PTPN13: variants seen among roughly 807,000 people sequenced by gnomAD.
PTPN13 encodes tyrosine-protein phosphatase non-receptor type 13.
PTPN13 carries 191 observed loss-of-function variants against 284.0 expected under a neutral mutation model. That is an observed-to-expected ratio of 0.67 (90% CI 0.60 to 0.76). The LOEUF is 0.76. Among genes scored for constraint, PTPN13 ranks in the 30% least tolerant of loss-of-function variants. The pLI is 0.00. For synonymous variants in PTPN13, 986 were observed against 1,022.3 expected (o/e 0.96, Z 0.68); for missense variants, 2,797 against 2,939.9 (o/e 0.95, Z 1.12).
chr4:86,659,299 A>C (rs1469913273), intron 2 of PTPN13, among the ~76,000 whole-genome samples: 1 of 152,184 alleles, frequency 6.6e-6, no homozygotes, highest in Non-Finnish European at 1.5e-5. Flanking sequence ...TATTTGTACT[A>C]AGTCATCAAA....
At chr4:86,617,556 C>T (rs1215244573) in intron 1 of PTPN13, among the ~76,000 whole-genome samples, 1 of 152,060 alleles carries the variant, frequency 6.6e-6, no homozygotes, top group African/African-American at 2.4e-5. Flanking sequence ...GGTATATCTC[C>T]TAATGCTATC....
At chr4:86,627,477 C>T (rs1290354527) in intron 1 of PTPN13, among the ~76,000 whole-genome samples, 2 of 151,202 alleles carry the variant, frequency 1.3e-5, no homozygotes, top group Non-Finnish European at 2.9e-5. Context: ...AAAAGGATTG[C>T]TGTTTCACCT....
At chr4:86,811,588 A>AT (rs1464732325) in intron 47 of PTPN13, among the ~76,000 whole-genome samples, 1 of 152,162 alleles carries the variant, frequency 6.6e-6, no homozygotes, top group Non-Finnish European at 1.5e-5. Context: ...ACATGGGTCC[A>AT]TTTATCCTCT....
At chr4:86,692,308 G>C (rs1306824646) in intron 5 of PTPN13, among the ~76,000 whole-genome samples, 1 of 152,128 alleles carries the variant, frequency 6.6e-6, no homozygotes, top group Non-Finnish European at 1.5e-5. Flanking sequence ...CATCATTTAT[G>C]CAACTTAACT....
chr4:86,805,220 G>T, intron 43 of PTPN13, 59 bp from the exon 44 acceptor site: 1 of 1,131,892 alleles, frequency 8.8e-7, no homozygotes, highest in African/African-American at 1.6e-5. Context: ...TAAAGTATTT[G>T]AAGTTATTAC....
Position 86,686,697 on chromosome 4 carries a change from A to T in PTPN13, c.295-13A>T. 6.6e-7 allele frequency: 1 copy of T among 1,507,408 alleles called. No individual in the cohort carries two copies. Among genetic ancestry groups the T allele is most frequent in the Non-Finnish European group, 9.0e-7 (1 of 1,110,788 alleles). The allele number at this position is 1,507,408 out of a possible 1,614,324, so 93.4% of individuals were successfully genotyped here. On this transcript the variant is annotated splice_polypyrimidine_tract_variant and intron_variant, in intron 3 of 47. Transcript: ENST00000411767. ...TTTATCATAAAATTATTTCTTAAAA[A>T]TTCTATTCCTAGATCCACATTTATT... is the stretch of plus-strand genomic sequence containing the variant.
chr4:86,596,446 A>C (rs1274868389), intron 1 of PTPN13, among the ~76,000 whole-genome samples: 2 of 152,214 alleles, frequency 1.3e-5, no homozygotes, highest in Non-Finnish European at 2.9e-5. Context: ...TTTAAAAGTC[A>C]GATTTTAATT....
At chr4:86,710,987 C>T (rs768085989) in intron 7 of PTPN13, among the ~76,000 whole-genome samples, 17 of 151,382 alleles carry the variant, frequency 1.1e-4, no homozygotes, top group Non-Finnish European at 1.6e-4. Flanking sequence ...GCAGTGGCAT[C>T]GTCTTAGCTT....
In PTPN13 at chr4:86,809,773, G is replaced by T. The variant is rs938787530; in HGVS notation, c.7088G>T (p.Arg2363Ile). The T allele has an allele frequency of 6.2e-7, 1 of 1,613,520 alleles. No homozygotes were observed. Among genetic ancestry groups the T allele is most frequent in the African/African-American group, 1.3e-5 (1 of 74,922 alleles). The stretch of plus-strand genomic sequence containing the variant: ...TATTCTGTTATACAATTTCAGACCA[G>T]AGAGGTGCGCCATATTTCTCATCTG... ...RAMTLEDIQT[R>I]EVRHISHLNF... The change falls in exon 46 of 48, where the codon AGA becomes ATA. Residue 2363 changes from arginine to isoleucine, a missense_variant. Coordinates refer to ENST00000411767, the MANE Select transcript of PTPN13 (RefSeq NM_080683.3).
At chr4:86,655,411 T>C (rs993405524) in intron 2 of PTPN13, among the ~76,000 whole-genome samples, 12 of 152,184 alleles carry the variant, frequency 7.9e-5, no homozygotes, top group African/African-American at 2.9e-4. Context: ...AGTGCTTCTT[T>C]CAGGAGCTCT....
intron 21 of PTPN13, 104 bp from the exon 22 acceptor site, chr4:86,758,574 C>A: frequency 9.6e-7 from 1 of 1,037,856 alleles, no homozygotes; most frequent in South Asian, 1.5e-5. Context: ...ACCTACTAAT[C>A]ATTTGATATC....
Position 86,750,483 on chromosome 4 carries a change from T to C in PTPN13, c.2664T>C (p.Phe888=). Residue 888 remains phenylalanine (F), a synonymous_variant, in exon 18 of 48, where the codon TTT becomes TTC. Coordinates refer to ENST00000411767, the MANE Select transcript of PTPN13 (RefSeq NM_080683.3). ...QDAQDIERAS[F]RSLNLQAESV... ...ATTTCCTTGTAGAGAGAGCTTCGTT[T>C]AGGAGCCTGAATCTCCAAGCAGAGT... 1 of 1,612,882 alleles carries C rather than the reference T, an allele frequency of 6.2e-7. No individual in the cohort carries two copies. The highest frequency in any genetic ancestry group is 1.3e-5 in the African/African-American group (1 of 75,020).
chr4:86,736,045 A>G (rs1326259506), intron 15 of PTPN13, among the ~76,000 whole-genome samples: 1 of 152,206 alleles, frequency 6.6e-6, no homozygotes, highest in East Asian at 1.9e-4. Context: ...AATACATTAT[A>G]CAGAAGAAAC....
intron 22 of PTPN13, 37 bp downstream of exon 22, chr4:86,758,822 G>C (rs1274503416): frequency 3.1e-6 from 5 of 1,599,076 alleles, no homozygotes; most frequent in Non-Finnish European, 4.3e-6. Flanking sequence ...AGTATTTTCT[G>C]ACAGGCATGA....
chr4:86,791,131 C>T (rs1370376658), intron 40 of PTPN13, among the ~76,000 whole-genome samples: 1 of 152,174 alleles, frequency 6.6e-6, no homozygotes, highest in South Asian at 2.1e-4. Flanking sequence ...AAATGGTATA[C>T]CCCTGACCAA....
At chr4:86,740,361 T>C (rs2149164550) in intron 15 of PTPN13, among the ~76,000 whole-genome samples, 1 of 152,310 alleles carries the variant, frequency 6.6e-6, no homozygotes, top group African/African-American at 2.4e-5. Flanking sequence ...TTCTCTGCAC[T>C]CACAGGCTCA....
At chr4:86,810,232 G>A (rs1450668072) in intron 46 of PTPN13, among the ~76,000 whole-genome samples, 1 of 152,058 alleles carries the variant, frequency 6.6e-6, no homozygotes, top group African/African-American at 2.4e-5. Flanking sequence ...TTTTAACTGT[G>A]TGCTCAGAGG....
chr4:86,730,497 T>C (rs1233221436), intron 10 of PTPN13, among the ~76,000 whole-genome samples: 1 of 149,760 alleles, frequency 6.7e-6, no homozygotes, highest in Non-Finnish European at 1.5e-5. Context: ...GTTTACCTAC[T>C]CAAGCCTCAG....
chr4:86,772,977 A>G lies in PTPN13; in HGVS notation c.5349+19A>G. The G allele has an allele frequency of 6.8e-7, 1 of 1,477,902 alleles. No homozygotes were observed. The allele number at this position is 1,477,902 out of a possible 1,614,324, so 91.5% of individuals were successfully genotyped here. ...TGAACTGGTAAGTTGTTTTCTCTAT[A>G]TTTAAAAAAAAATCCATATTTTTTA... On this transcript the variant is annotated intron_variant, in intron 32 of 47. Transcript: ENST00000411767.
Sources: allele counts gnomAD v4.1 joint callset (sites outside exome capture counted in the v4.1 genomes callset), GRCh38; gene constraint gnomAD v4.1.1; transcripts MANE v1.5; gene names NCBI Gene and HGNC (gene_info 2026-07-23, HGNC 2026-07-21).